The following ABTB3 variants were observed in gnomAD, a reference collection of about 807,000 sequenced individuals.
ABTB3 encodes ankyrin repeat- and BTB/POZ domain-containing protein 3.
At chr12:107,580,015 G>A in the ABTB3 span, among the ~76,000 whole-genome samples, 1 of 152,184 alleles carries the variant, frequency 6.6e-6, no homozygotes, top group South Asian at 2.1e-4. Flanking sequence ...TGACTTTAGA[G>A]CAGAGGTTCT....
At chr12:107,322,021 G>T in the ABTB3 span, among the ~76,000 whole-genome samples, 3 of 152,042 alleles carry the variant, frequency 2.0e-5, no homozygotes, top group Admixed American at 6.5e-5. Flanking sequence ...GGCCTCAGTT[G>T]CCTCATCTGT....
the ABTB3 span, among the ~76,000 whole-genome samples, chr12:107,347,364 C>T: frequency 3.3e-5 from 5 of 152,070 alleles, no homozygotes; most frequent in African/African-American, 4.8e-5. Flanking sequence ...TTTCAGTTAA[C>T]TATTGCTGCA....
the ABTB3 span, among the ~76,000 whole-genome samples, chr12:107,556,990 C>T: frequency 2.6e-5 from 4 of 151,612 alleles, no homozygotes; most frequent in South Asian, 2.1e-4. Flanking sequence ...TCAGTCTGTG[C>T]GACAGAGTGA....
At chr12:107,533,112 C>T in the ABTB3 span, among the ~76,000 whole-genome samples, 1 of 151,924 alleles carries the variant, frequency 6.6e-6, no homozygotes, top group Admixed American at 6.6e-5. Context: ...AGAGCAAATA[C>T]ACAAATGAGA....
At chr12:107,470,513 G>A in the ABTB3 span, among the ~76,000 whole-genome samples, 1 of 152,268 alleles carries the variant, frequency 6.6e-6, no homozygotes, top group South Asian at 2.1e-4. Flanking sequence ...GGGCCTGGCT[G>A]TCAGCCAAGC....
the ABTB3 span, among the ~76,000 whole-genome samples, chr12:107,323,294 T>C: frequency 6.6e-6 from 1 of 152,158 alleles, no homozygotes; most frequent in Admixed American, 6.5e-5. Flanking sequence ...GGTTGCCCCT[T>C]CTTACTGCCA....
chr12:107,390,274 C>T, the ABTB3 span, among the ~76,000 whole-genome samples: 3 of 152,140 alleles, frequency 2.0e-5, no homozygotes, highest in Admixed American at 6.5e-5. Flanking sequence ...AATGCTCCCA[C>T]CAATCCTAGG....
chr12:107,499,549 T>C, the ABTB3 span, among the ~76,000 whole-genome samples: 1 of 152,162 alleles, frequency 6.6e-6, no homozygotes, highest in African/African-American at 2.4e-5. Flanking sequence ...CTGAGTAATT[T>C]ATGAAGAACA....
chr12:107,394,947 G>T, the ABTB3 span, among the ~76,000 whole-genome samples: 2 of 152,196 alleles, frequency 1.3e-5, no homozygotes, highest in Non-Finnish European at 2.9e-5. Flanking sequence ...TTTCCCCAGG[G>T]TCCTTGTTCT....
the ABTB3 span, among the ~76,000 whole-genome samples, chr12:107,464,848 A>G: frequency 6.6e-6 from 1 of 152,236 alleles, no homozygotes; most frequent in African/African-American, 2.4e-5. Flanking sequence ...ACATTTCTGG[A>G]TGGCATAGCT....
chr12:107,372,437 T>C, the ABTB3 span, among the ~76,000 whole-genome samples: 2 of 152,174 alleles, frequency 1.3e-5, no homozygotes, highest in South Asian at 2.1e-4. Flanking sequence ...CAAAATTCAA[T>C]TCAACTTGGC....
At chr12:107,640,921 A>G in the ABTB3 span, among the ~76,000 whole-genome samples, 1 of 152,196 alleles carries the variant, frequency 6.6e-6, no homozygotes, top group Admixed American at 6.5e-5. Flanking sequence ...ACAGTTTAGA[A>G]CCACATTGTC....
the ABTB3 span, among the ~76,000 whole-genome samples, chr12:107,417,187 G>T: frequency 9.9e-5 from 15 of 152,190 alleles, no homozygotes; most frequent in Non-Finnish European, 1.6e-4. Context: ...CTCATTGATT[G>T]GTTAAAAGCA....
At chr12:107,585,854 C>T in the ABTB3 span, among the ~76,000 whole-genome samples, 6 of 152,186 alleles carry the variant, frequency 3.9e-5, no homozygotes, top group Non-Finnish European at 8.8e-5. Flanking sequence ...CATTTGAGAA[C>T]AAGATCGTCC....
At chr12:107,319,610 C>T in the ABTB3 span, 1 of 1,536,868 alleles carries the variant, frequency 6.5e-7, no homozygotes, top group Non-Finnish European at 8.7e-7. Flanking sequence ...GGTGGACAGC[C>T]GCGTGGCGCT....
At chr12:107,575,104 G>A in the ABTB3 span, among the ~76,000 whole-genome samples, 1 of 152,188 alleles carries the variant, frequency 6.6e-6, no homozygotes, top group Non-Finnish European at 1.5e-5. Flanking sequence ...CTGGAATTAT[G>A]AGCTTCCTAA....
the ABTB3 span, among the ~76,000 whole-genome samples, chr12:107,623,882 G>A: frequency 6.6e-6 from 1 of 152,184 alleles, no homozygotes; most frequent in Non-Finnish European, 1.5e-5. Context: ...ATGGTCTCTG[G>A]GGGTGGGGCT....
the ABTB3 span, among the ~76,000 whole-genome samples, chr12:107,549,473 A>C: frequency 6.6e-6 from 1 of 152,220 alleles, no homozygotes; most frequent in Non-Finnish European, 1.5e-5. Flanking sequence ...TCCTCTAAGG[A>C]ATGTAAATCA....
chr12:107,349,204 G>A, the ABTB3 span, among the ~76,000 whole-genome samples: 11 of 152,282 alleles, frequency 7.2e-5, no homozygotes, highest in Admixed American at 2.6e-4. Context: ...CTGTCCTGAC[G>A]CCTCAGCCCC....
Sources: allele counts gnomAD v4.1 joint callset (sites outside exome capture counted in the v4.1 genomes callset), GRCh38; gene constraint gnomAD v4.1.1; transcripts MANE v1.5; gene names NCBI Gene and HGNC (gene_info 2026-07-23, HGNC 2026-07-21).